GNAL: variants seen among roughly 807,000 people sequenced by gnomAD.
The protein encoded by GNAL is guanine nucleotide-binding protein G(olf) subunit alpha.
A neutral mutation model predicts 55.1 loss-of-function variants in GNAL; 18 were observed. The ratio of observed to expected loss-of-function variants is 0.33; its 90% CI spans 0.23 to 0.48. The LOEUF (loss-of-function observed/expected upper bound fraction) is 0.48. GNAL is among the 20% of genes least tolerant of loss of function. The pLI, the probability that GNAL is intolerant of heterozygous loss-of-function variation, is 0.99. For synonymous variants in GNAL, 253 were observed against 237.0 expected (o/e 1.07, Z -0.62); for missense variants, 412 against 614.1 (o/e 0.67, Z 3.48).
intron 4 of GNAL, among the ~76,000 whole-genome samples, chr18:11,797,030 T>C (rs9944802): frequency 0.33 from 50,382 of 152,082 alleles, 10,681 homozygotes; most frequent in African/African-American, 0.61. Context: ...TCTTGGCTCA[T>C]TGCAGCCTCT....
chr18:11,851,253 C>T (rs543840421), intron 5 of GNAL: 2 of 457,908 alleles, frequency 4.4e-6, no homozygotes, highest in East Asian at 3.5e-5. Context: ...CCCGCCGCAG[C>T]GCCGGAGCGT....
chr18:11,873,873 G>A (rs681215), intron 10 of GNAL, among the ~76,000 whole-genome samples: 45,317 of 151,946 alleles, frequency 0.3, 9,582 homozygotes, highest in African/African-American at 0.59. Flanking sequence ...AACAGGGTCT[G>A]CCTCCCCAGG....
At chr18:11,837,565 C>T (rs541146831) in intron 5 of GNAL, among the ~76,000 whole-genome samples, 1 of 152,318 alleles carries the variant, frequency 6.6e-6, no homozygotes, top group African/African-American at 2.4e-5. Flanking sequence ...ACCACAGTGA[C>T]ATTCCACTTC....
intron 1 of GNAL, among the ~76,000 whole-genome samples, chr18:11,717,465 C>G (rs2031999918): frequency 6.6e-6 from 1 of 152,238 alleles, no homozygotes; most frequent in Non-Finnish European, 1.5e-5. Flanking sequence ...GCTGTCACCT[C>G]TCACTACCAT....
At chr18:11,773,867 T>C (rs1445372396) in intron 4 of GNAL, among the ~76,000 whole-genome samples, 1 of 152,212 alleles carries the variant, frequency 6.6e-6, no homozygotes, top group African/African-American at 2.4e-5. Context: ...AGAGTAAAAG[T>C]TCCTTAACAT....
chr18:11,845,873 T>C (rs1325702920), intron 5 of GNAL, among the ~76,000 whole-genome samples: 1 of 152,152 alleles, frequency 6.6e-6, no homozygotes, highest in African/African-American at 2.4e-5. Context: ...CAGCTCTATA[T>C]GGTCTTCACA....
intron 4 of GNAL, among the ~76,000 whole-genome samples, chr18:11,817,728 G>A (rs55920080): frequency 0.05 from 7,508 of 149,740 alleles, 329 homozygotes; most frequent in African/African-American, 0.099. Flanking sequence ...AGCTGGGATT[G>A]CAGGTGCGTG....
At chr18:11,690,714 G>C (rs865886554) in intron 1 of GNAL, among the ~76,000 whole-genome samples, 64 of 149,574 alleles carry the variant, frequency 4.3e-4, no homozygotes, top group African/African-American at 1.1e-3. Context: ...GCGGTGTTTG[G>C]TTTTTTGTTC....
At chr18:11,753,029 AG>A in intron 2 of GNAL, 104 bp downstream of exon 2, 1 of 641,308 alleles carries the variant, frequency 1.6e-6, no homozygotes, top group Admixed American at 2.5e-5. Context: ...TTGATAATGG[AG>A]TAGACATTCA....
intron 1 of GNAL, among the ~76,000 whole-genome samples, chr18:11,730,252 C>A (rs2032307975): frequency 2.0e-5 from 3 of 151,808 alleles, no homozygotes; most frequent in South Asian, 4.2e-4. Context: ...CTCCACCTCC[C>A]AGGTTCAAGC....
At chr18:11,802,983 G>T (rs2034558333) in intron 4 of GNAL, among the ~76,000 whole-genome samples, 1 of 152,168 alleles carries the variant, frequency 6.6e-6, no homozygotes, top group South Asian at 2.1e-4. Flanking sequence ...GAATGGGGAG[G>T]TCAGATGACG....
Position 11,884,692 on chromosome 18 carries a change from A to AAAC in GNAL, c.*3559_*3561dup. The AAAC allele has an allele frequency of 6.5e-7, 1 of 1,530,546 alleles. No homozygotes were observed. The highest frequency in any genetic ancestry group is 9.0e-7 in the Non-Finnish European group (1 of 1,113,026). 94.8% of individuals were successfully genotyped at this position (1,530,546 alleles called of 1,614,324 possible). A position where few individuals can be genotyped will look rare whatever the true frequency, so the allele number is the denominator to read the frequency against. ...CACACGTTGAACACCGCAGTCTTAG[A>AAAC]AACAGCAGAGGGAAGACTGCCTTCT... On this transcript the variant is annotated 3_prime_UTR_variant, in exon 12 of 12. Transcript: ENST00000334049.
rs549901200 is a variant in GNAL, at chr18:11,739,263, C to T, written c.377-13590C>T. 5.3e-5 allele frequency among the ~76,000 whole-genome samples: 8 copies of T among 152,308 alleles called. No homozygotes were observed. The South Asian group carries it at 1.7e-3, about 32-fold the overall frequency. ...CTAAATGCCCCTCACCCAGGTTCGC[C>T]TCTTGTTCACATTTCCCTGTGTGCC... On this transcript the variant is annotated intron_variant, in intron 1 of 11. Coordinates refer to ENST00000334049, the MANE Select transcript of GNAL (RefSeq NM_182978.4).
In GNAL at chr18:11,737,085, A is replaced by G. The variant is rs922121634; in HGVS notation, c.377-15768A>G. Among the ~76,000 whole-genome samples, 6 of 152,344 alleles carry G rather than the reference A, an allele frequency of 3.9e-5. No homozygotes were observed. The East Asian group carries it at 5.8e-4, about 15-fold the overall frequency. ...TTTCTGTGAGCTTGGAATTATTTCA[A>G]TTTTTTTAAATTTTGTGGATGCATA... On this transcript the variant is annotated intron_variant, in intron 1 of 11. Coordinates refer to ENST00000334049, the MANE Select transcript of GNAL (RefSeq NM_182978.4).
At position 11,717,940 on chromosome 18, in the gene GNAL, G is replaced by A. The variant is rs116591572; in HGVS notation, c.376+28001G>A. On this transcript the variant is annotated intron_variant, in intron 1 of 11. Coordinates refer to ENST00000334049, the MANE Select transcript of GNAL (RefSeq NM_182978.4). Reference sequence around the variant, plus strand: ...GCACATGTACCTCTGAACCTAAAATGTTAAGAAAAAAAAGAAATCAGTCTT... The same window carrying A: ...GCACATGTACCTCTGAACCTAAAATATTAAGAAAAAAAAGAAATCAGTCTT... 7.7e-3 allele frequency among the ~76,000 whole-genome samples: 1,169 copies of A among 152,044 alleles called. 7 individuals are homozygous for A. The highest frequency in any genetic ancestry group is 0.022 in the African/African-American group (901 of 41,488).
At chr18:11,706,403 C>G (rs376842723) in intron 1 of GNAL, among the ~76,000 whole-genome samples, 12 of 152,156 alleles carry the variant, frequency 7.9e-5, no homozygotes, top group South Asian at 6.2e-4. Context: ...GTCCGGATCT[C>G]TTTGCTGGTG....
chr18:11,723,631 G>T (rs1371475839), intron 1 of GNAL, among the ~76,000 whole-genome samples: 2 of 152,200 alleles, frequency 1.3e-5, no homozygotes, highest in Non-Finnish European at 1.5e-5. Flanking sequence ...TGTCATCCAG[G>T]CACCCTGAAG....
intron 1 of GNAL, among the ~76,000 whole-genome samples, chr18:11,728,330 C>G (rs2143430841): frequency 6.6e-6 from 1 of 152,218 alleles, no homozygotes; most frequent in Non-Finnish European, 1.5e-5. Flanking sequence ...CTCTCTGAGC[C>G]TGATGATTTA....
At chr18:11,851,391 CAGT>C (rs2035859687) in intron 5 of GNAL, 2 of 1,274,476 alleles carry the variant, frequency 1.6e-6, no homozygotes, top group East Asian at 5.1e-5. Context: ...GCGCCGCTCA[CAGT>C]AGAAACAGGA....
Sources: gnomAD v4.1 joint callset for allele counts (sites outside exome capture counted in the v4.1 genomes callset) on GRCh38, gnomAD v4.1.1 for gene constraint, MANE v1.5 for transcripts, NCBI Gene and HGNC (gene_info 2026-07-23, HGNC 2026-07-21) for gene names.